The following PIK3R1 variants were observed in gnomAD, a reference collection of about 807,000 sequenced individuals.
The protein encoded by PIK3R1 is phosphatidylinositol 3-kinase regulatory subunit alpha.
PIK3R1 carries 29 observed loss-of-function variants against 98.0 expected under a neutral mutation model. The observed-to-expected ratio is 0.30, with a 90% CI of 0.22 to 0.40. PIK3R1 has a LOEUF of 0.40. Among genes scored for constraint, PIK3R1 ranks in the 10% least tolerant of loss-of-function variants. The pLI, the probability that PIK3R1 is intolerant of heterozygous loss-of-function variation, is 1.00. For synonymous variants in PIK3R1, 282 were observed against 311.8 expected (o/e 0.90, Z 1.01); for missense variants, 596 against 872.7 (o/e 0.68, Z 3.99).
At chr5:68,274,316 T>A (rs1746484301) in intron 4 of PIK3R1, among the ~76,000 whole-genome samples, 2 of 152,334 alleles carry the variant, frequency 1.3e-5, no homozygotes, top group African/African-American at 4.8e-5. Context: ...TCTCGCTCTG[T>A]GTATCTACCA....
rs2112252404 is a variant in PIK3R1, at chr5:68,293,124, G to A, written c.1043G>A (p.Arg348Gln). ...AGGGAAGAAGTGAATGAAAAACTTCGAGATACAGCAGACGGGACCTTTTTG... is the reference window on the plus strand; with the variant it reads ...AGGGAAGAAGTGAATGAAAAACTTCAAGATACAGCAGACGGGACCTTTTTG... ...ISREEVNEKL[R>Q]DTADGTFLVR... Residue 348 changes from arginine to glutamine, a missense_variant, in exon 9 of 16, where the codon CGA becomes CAA. Physicochemically the swap from Arg to Gln is conservative, Grantham distance 43 (BLOSUM62 1). Transcript: ENST00000521381. The A allele has an allele frequency of 6.2e-7, 1 of 1,613,622 alleles. No homozygotes were observed.
At chr5:68,249,956 C>T (rs1305019079) in intron 2 of PIK3R1, among the ~76,000 whole-genome samples, 1 of 152,192 alleles carries the variant, frequency 6.6e-6, no homozygotes, top group Non-Finnish European at 1.5e-5. Context: ...TATGTGCTTA[C>T]TCTATGCCAA....
At chr5:68,288,971 A>G (rs1747233510) in intron 7 of PIK3R1, among the ~76,000 whole-genome samples, 1 of 152,072 alleles carries the variant, frequency 6.6e-6, no homozygotes. Flanking sequence ...ACTAATTACA[A>G]CGTGCTTGGT....
intron 2 of PIK3R1, among the ~76,000 whole-genome samples, chr5:68,249,231 A>G (rs183757593): frequency 9.2e-5 from 14 of 152,344 alleles, no homozygotes; most frequent in Non-Finnish European, 2.1e-4. Context: ...TAAAATTCAG[A>G]GTCATTTTCC....
At chr5:68,229,739 T>A (rs1040446405) in intron 2 of PIK3R1, among the ~76,000 whole-genome samples, 2 of 152,228 alleles carry the variant, frequency 1.3e-5, no homozygotes, top group African/African-American at 4.8e-5. Flanking sequence ...TTCCTCCCTG[T>A]ACGATAGTGT....
chr5:68,265,698 C>A (rs1426475570), intron 2 of PIK3R1, among the ~76,000 whole-genome samples: 4 of 152,084 alleles, frequency 2.6e-5, no homozygotes, highest in African/African-American at 9.7e-5. Context: ...GGGGAAGGGA[C>A]ACAATTCAGT....
chr5:68,229,395 A>G (rs1744393965), intron 2 of PIK3R1, among the ~76,000 whole-genome samples: 2 of 152,166 alleles, frequency 1.3e-5, no homozygotes, highest in Admixed American at 6.5e-5. Flanking sequence ...GTTCTGTTCT[A>G]TTCTTACCAT....
At position 68,299,482 on chromosome 5, in the gene PIK3R1, G is replaced by A. The variant is rs1747922070; in HGVS notation, c.*1881G>A. ...ATCATGTTTCCCATTTAGGGCAGGA[G>A]TGAGAGGTCTCTCTTCCTGATTTAG... is the stretch of plus-strand genomic sequence containing the variant. On this transcript the variant is annotated 3_prime_UTR_variant, in exon 16 of 16. Coordinates refer to ENST00000521381, the MANE Select transcript of PIK3R1 (RefSeq NM_181523.3). 2 of 233,336 alleles carry A rather than the reference G, an allele frequency of 8.6e-6. No homozygotes were observed. Among genetic ancestry groups the A allele is most frequent in the African/African-American group, 4.4e-5 (2 of 45,328 alleles). The allele number at this position is 233,336 out of a possible 1,614,324, so 14.5% of individuals were successfully genotyped here. A position where few individuals can be genotyped will look rare whatever the true frequency, so the allele number is the denominator to read the frequency against.
At chr5:68,284,589 A>G (rs1291835601) in intron 7 of PIK3R1, among the ~76,000 whole-genome samples, 1 of 152,178 alleles carries the variant, frequency 6.6e-6, no homozygotes, top group Admixed American at 6.5e-5. Context: ...TTCCCGTTTT[A>G]TATGCAAGTT....
chr5:68,256,543 T>C (rs940284677), intron 2 of PIK3R1, among the ~76,000 whole-genome samples: 2 of 152,186 alleles, frequency 1.3e-5, no homozygotes, highest in Non-Finnish European at 2.9e-5. Context: ...TTTTGTAATT[T>C]TTTAAAGGGC....
intron 2 of PIK3R1, among the ~76,000 whole-genome samples, chr5:68,264,971 A>C: frequency 6.6e-6 from 1 of 152,160 alleles, no homozygotes; most frequent in Non-Finnish European, 1.5e-5. Context: ...CAGCCTGTGA[A>C]ACTCAGGCAT....
At chr5:68,249,668 G>C (rs549892402) in intron 2 of PIK3R1, among the ~76,000 whole-genome samples, 1 of 152,178 alleles carries the variant, frequency 6.6e-6, no homozygotes, top group South Asian at 2.1e-4. Context: ...TGTTACTATG[G>C]TAATGACTTA....
chr5:68,243,372 A>T (rs1744942506), intron 2 of PIK3R1, among the ~76,000 whole-genome samples: 1 of 152,218 alleles, frequency 6.6e-6, no homozygotes, highest in South Asian at 2.1e-4. Context: ...TGTTTTAAAA[A>T]AATATGTCCT....
rs879781292 is a variant in PIK3R1, at chr5:68,238,972, T to A, written c.334+11963T>A. Among the ~76,000 whole-genome samples, 1,093 of 130,880 alleles carry A rather than the reference T, an allele frequency of 8.4e-3. 2 individuals carry two copies. Among genetic ancestry groups the A allele is most frequent in the Non-Finnish European group, 0.014 (867 of 60,764 alleles). The allele number at this position is 130,880 out of a possible 152,430, so 85.9% of individuals were successfully genotyped here. On this transcript the variant is annotated intron_variant, in intron 2 of 15. Coordinates refer to ENST00000521381, the MANE Select transcript of PIK3R1 (RefSeq NM_181523.3). ...TTTTCTTCTCCTTTCTAGCAATAAA[T>A]GCCAAAAAAAAAAAAAAATAGTGCA...
At chr5:68,280,789 G>A in intron 6 of PIK3R1, 60 bp downstream of exon 6, 1 of 1,455,728 alleles carries the variant, frequency 6.9e-7, no homozygotes, top group Non-Finnish European at 9.6e-7. Flanking sequence ...AAATGGATTG[G>A]TCATGAAAAT....
At chr5:68,225,889 T>C (rs1174183742) in intron 1 of PIK3R1, among the ~76,000 whole-genome samples, 1 of 152,228 alleles carries the variant, frequency 6.6e-6, no homozygotes, top group Admixed American at 6.5e-5. Context: ...TCTTGGTCAC[T>C]TCTGTAACTA....
intron 7 of PIK3R1, among the ~76,000 whole-genome samples, chr5:68,282,190 C>A (rs1276716002): frequency 1.4e-4 from 21 of 152,072 alleles, no homozygotes; most frequent in Admixed American, 1.4e-3. Context: ...AGAAGACTGT[C>A]AACAGGTAGG....
At chr5:68,283,418 A>T (rs1222897966) in intron 7 of PIK3R1, among the ~76,000 whole-genome samples, 3 of 152,260 alleles carry the variant, frequency 2.0e-5, no homozygotes, top group African/African-American at 7.2e-5. Flanking sequence ...GTACAAAAAG[A>T]ACTTTAGAAA....
chr5:68,292,056 T>G, intron 7 of PIK3R1: 1 of 413,592 alleles, frequency 2.4e-6, no homozygotes, highest in Non-Finnish European at 4.3e-6. Context: ...CTTTTCTCCT[T>G]TTCAGTTTCA....
Sources: allele counts gnomAD v4.1 joint callset (sites outside exome capture counted in the v4.1 genomes callset), GRCh38; gene constraint gnomAD v4.1.1; transcripts MANE v1.5; gene names NCBI Gene and HGNC (gene_info 2026-07-23, HGNC 2026-07-21).